The following CALN1 variants were observed in gnomAD, a reference collection of about 807,000 sequenced individuals.
CALN1 encodes calneuron 1, also known as calcium-binding protein 8.
CALN1 carries 17 observed loss-of-function variants against 30.6 expected under a neutral mutation model. That is an observed-to-expected ratio of 0.56 (90% CI 0.38 to 0.83). CALN1 has a LOEUF of 0.83. Ranked by LOEUF, CALN1 falls within the 40% of genes least tolerant of loss-of-function variation. The pLI, the probability that CALN1 is intolerant of heterozygous loss-of-function variation, is 0.00. For missense variants in CALN1, 291 were observed against 354.9 expected (o/e 0.82, Z 1.45); for synonymous variants, 156 against 131.4 (o/e 1.19, Z -1.28).
At chr7:71,958,357 T>C (rs1797075369) in intron 5 of CALN1, among the ~76,000 whole-genome samples, 2 of 152,144 alleles carry the variant, frequency 1.3e-5, no homozygotes, top group Admixed American at 6.6e-5. Flanking sequence ...ATTAGTTTGA[T>C]CCATTCTCTG....
rs142668185 is a variant in CALN1 at position 71,787,349 on chromosome 7, C to T, written c.*426G>A. ...TCTTGGAACTGAGGGTTGACCTCAG[C>T]AGAGAGTCTCCTGTTGACCCTTGGG... On this transcript the variant is annotated 3_prime_UTR_variant, in exon 7 of 7. Coordinates refer to ENST00000395275, the MANE Select transcript of CALN1 (RefSeq NM_031468.4). 7.7e-5 allele frequency: 13 copies of T among 168,658 alleles called. No homozygotes were observed. The East Asian group carries it at 1.8e-3, about 24-fold the overall frequency. The allele number at this position is 168,658 out of a possible 1,614,324, so 10.4% of individuals were successfully genotyped here.
chr7:72,097,821 C>A (rs889527854), intron 4 of CALN1, among the ~76,000 whole-genome samples: 1 of 152,100 alleles, frequency 6.6e-6, no homozygotes, highest in Non-Finnish European at 1.5e-5. Context: ...TCAAGCAATT[C>A]TCCTGCCTCA....
intron 5 of CALN1, among the ~76,000 whole-genome samples, chr7:71,883,598 C>T (rs1374570189): frequency 6.6e-6 from 1 of 152,132 alleles, no homozygotes; most frequent in Non-Finnish European, 1.5e-5. Context: ...TGCTAATCCA[C>T]CATACTGACT....
chr7:72,295,906 T>C (rs1403154119), intron 2 of CALN1, among the ~76,000 whole-genome samples: 6 of 151,896 alleles, frequency 4.0e-5, no homozygotes, highest in Admixed American at 3.9e-4. Flanking sequence ...CTATGTTGAA[T>C]AGGAGTGGTG....
chr7:72,024,764 T>C (rs1438667238), intron 4 of CALN1, among the ~76,000 whole-genome samples: 1 of 152,118 alleles, frequency 6.6e-6, no homozygotes, highest in Admixed American at 6.6e-5. Context: ...TCACTATCTC[T>C]TTTGCATCAA....
At chr7:71,821,338 G>T (rs955162574) in intron 5 of CALN1, among the ~76,000 whole-genome samples, 4 of 152,084 alleles carry the variant, frequency 2.6e-5, no homozygotes, top group Non-Finnish European at 5.9e-5. Flanking sequence ...AGACATACCC[G>T]AGACTGGGTA....
intron 3 of CALN1, among the ~76,000 whole-genome samples, chr7:72,254,788 A>C (rs1795803273): frequency 6.6e-6 from 1 of 151,980 alleles, no homozygotes; most frequent in Non-Finnish European, 1.5e-5. Flanking sequence ...GCTGAGACAG[A>C]GTCTTGCTTG....
At chr7:71,845,750 G>A (rs558589362) in intron 5 of CALN1, among the ~76,000 whole-genome samples, 19 of 152,078 alleles carry the variant, frequency 1.2e-4, no homozygotes, top group African/African-American at 3.6e-4. Flanking sequence ...GGGATTTCCC[G>A]CTGGGTTAAG....
At chr7:72,117,963 A>G (rs1236619244) in intron 3 of CALN1, among the ~76,000 whole-genome samples, 1 of 151,302 alleles carries the variant, frequency 6.6e-6, no homozygotes, top group Non-Finnish European at 1.5e-5. Flanking sequence ...GTCTCAAAAA[A>G]AAAAAAGAAA....
rs112648029 is a variant in CALN1, at chr7:72,385,198, G to C, written c.119+18053C>G. 6.9e-3 allele frequency among the ~76,000 whole-genome samples: 1,053 copies of C among 152,292 alleles called. 12 individuals carry two copies. The highest frequency in any genetic ancestry group is 0.024 in the African/African-American group (999 of 41,570). ...GCAACAAGAACTTTCTTGATGATGG[G>C]AATATAAAATGGTATAGTCACTTTG... On this transcript the variant is annotated intron_variant, in intron 2 of 6. Coordinates refer to ENST00000395275, the MANE Select transcript of CALN1 (RefSeq NM_031468.4).
chr7:72,026,190 T>A (rs1366235206), intron 4 of CALN1, among the ~76,000 whole-genome samples: 1 of 152,156 alleles, frequency 6.6e-6, no homozygotes, highest in Non-Finnish European at 1.5e-5. Context: ...AGAGATCACC[T>A]CTATAATGCA....
chr7:71,899,439 G>A (rs889298379), intron 5 of CALN1, among the ~76,000 whole-genome samples: 2 of 152,086 alleles, frequency 1.3e-5, no homozygotes, highest in African/African-American at 2.4e-5. Flanking sequence ...CACCACGCCC[G>A]GCTGAGACAC....
intron 5 of CALN1, among the ~76,000 whole-genome samples, chr7:71,887,325 C>A (rs1021450689): frequency 6.6e-6 from 1 of 152,140 alleles, no homozygotes; most frequent in Non-Finnish European, 1.5e-5. Context: ...GATGGAGTTT[C>A]GCTCTTGTTG....
intron 3 of CALN1, among the ~76,000 whole-genome samples, chr7:72,161,773 T>G (rs1472478869): frequency 6.6e-6 from 1 of 151,076 alleles, no homozygotes; most frequent in East Asian, 1.9e-4. Flanking sequence ...TAGGGGGCAG[T>G]GGCGGGTGGG....
In CALN1 at chr7:71,784,760, G is replaced by A; in HGVS notation, c.*3015C>T. 2.5e-6 allele frequency: 1 copy of A among 398,608 alleles called. No homozygotes were observed. The highest frequency in any genetic ancestry group is 4.4e-6 in the Non-Finnish European group (1 of 226,100). The allele number at this position is 398,608 out of a possible 1,614,324, so 24.7% of individuals were successfully genotyped here. ...TTCCTAAGTCCGGAGGACAGAATGA[G>A]GGGTGAGCTATTCCCTCTCAATTCC... On this transcript the variant is annotated 3_prime_UTR_variant, in exon 7 of 7. Coordinates refer to ENST00000395275, the MANE Select transcript of CALN1 (RefSeq NM_031468.4).
intron 6 of CALN1, among the ~76,000 whole-genome samples, chr7:71,805,540 G>T (rs1787555766): frequency 6.6e-6 from 1 of 152,152 alleles, no homozygotes; most frequent in Non-Finnish European, 1.5e-5. Flanking sequence ...GTGAGTCAGG[G>T]ATCTGAGATT....
At chr7:72,140,278 G>GAGAGAA (rs1326684265) in intron 3 of CALN1, among the ~76,000 whole-genome samples, 1 of 27,060 alleles carries the variant, frequency 3.7e-5, no homozygotes, top group Admixed American at 3.2e-4. Context: ...CTCAAAATAA[G>GAGAGAA]AGAGAGAGAG....
intron 4 of CALN1, among the ~76,000 whole-genome samples, chr7:72,095,796 G>A (rs749691237): frequency 2.0e-5 from 3 of 152,140 alleles, no homozygotes; most frequent in Non-Finnish European, 2.9e-5. Context: ...ACTTTGGGAG[G>A]CCAAGGTGGG....
intron 5 of CALN1, among the ~76,000 whole-genome samples, chr7:71,978,859 A>G (rs1477088835): frequency 6.6e-6 from 1 of 152,232 alleles, no homozygotes; most frequent in Non-Finnish European, 1.5e-5. Flanking sequence ...AGACTTATTG[A>G]GCAACTATTT....
Sources: gnomAD v4.1 joint callset for allele counts (sites outside exome capture counted in the v4.1 genomes callset) on GRCh38, gnomAD v4.1.1 for gene constraint, MANE v1.5 for transcripts, NCBI Gene and HGNC (gene_info 2026-07-23, HGNC 2026-07-21) for gene names.